Variants in ASIC4 observed in about 807,000 individuals in gnomAD.
ASIC4 encodes acid sensing ion channel subunit family member 4, also known as acid-sensing ion channel 4.
In ASIC4, 28 loss-of-function variants were observed where a neutral mutation model predicts 53.4. That is an observed-to-expected ratio of 0.52 (90% confidence interval 0.39 to 0.72). The LOEUF (loss-of-function observed/expected upper bound fraction) is 0.72. Among genes scored for constraint, ASIC4 ranks in the 30% least tolerant of loss-of-function variants. The pLI, the probability that ASIC4 is intolerant of heterozygous loss-of-function variation, is 0.00. For missense variants in ASIC4, 649 were observed against 729.7 expected, an observed-to-expected ratio of 0.89 and a Z score of 1.27; for synonymous variants, 289 against 301.4, an observed-to-expected ratio of 0.96 and a Z score of 0.43.
In ASIC4 at chr2:219,538,116, T is replaced by A; in HGVS notation, c.*70T>A. On this transcript the variant is annotated 3_prime_UTR_variant, in exon 10 of 10. Transcript: ENST00000358078. ...TGGGATCCCCAGCACATTCTCCTGC[T>A]CCTGGGAGAGGCCTGGGGGCGGTGC... 2 of 1,328,116 alleles carry A rather than the reference T, an allele frequency of 1.5e-6. No homozygotes were observed. Among genetic ancestry groups the A allele is most frequent in the Non-Finnish European group, 2.1e-6 (2 of 942,532 alleles). The allele number at this position is 1,328,116 out of a possible 1,614,324, so 82.3% of individuals were successfully genotyped here.
chr2:219,512,402 G>A (rs949273023), upstream of ASIC4, among the ~76,000 whole-genome samples: 1 of 152,106 alleles, frequency 6.6e-6, no homozygotes, highest in Non-Finnish European at 1.5e-5. Flanking sequence ...GAGTTTGGGG[G>A]GCAGTTTCCC....
At position 219,532,083 on chromosome 2, in the gene ASIC4, G is replaced by C. The variant is rs1445180620; in HGVS notation, c.810G>C (p.Gly270=). The C allele has an allele frequency of 1.9e-6, 3 of 1,614,232 alleles. No homozygotes were observed. In the South Asian group the frequency reaches 3.3e-5, roughly 18 times the overall value. Residue 270 remains glycine, a synonymous_variant, in exon 3 of 10, where the codon GGG becomes GGC. Transcript: ENST00000358078. The stretch of plus-strand genomic sequence containing the variant: ...CCTACATCCACCAGCTGGGGTTCGG[G>C]GTGTCCCCAGGCTTCCAGACCTTTG... The part of the protein sequence containing the change: ...EPPYIHQLGF[G]VSPGFQTFVS...
At position 219,536,246 on chromosome 2, in the gene ASIC4, C is replaced by T. The variant is rs1443094581; in HGVS notation, c.1230-820C>T. On this transcript the variant is annotated intron_variant, in intron 6 of 9. Transcript: ENST00000358078. The surrounding 1 kb of genome is among the most constrained non-coding windows in gnomAD (Gnocchi z 4.6). ...CAGAGTGCTTTGCTTATGCATCTTT[C>T]TTCCCTGCACGGAGGGAGAGGGACA... is the stretch of plus-strand genomic sequence containing the variant. Among the ~76,000 whole-genome samples the T allele has an allele frequency of 6.6e-6, 1 of 152,220 alleles. No homozygotes were observed. The highest frequency in any genetic ancestry group is 1.5e-5 in the Non-Finnish European group (1 of 68,044).
chr2:219,514,371 C>T (rs999936803), upstream of ASIC4: 30 of 1,545,400 alleles, frequency 1.9e-5, no homozygotes, highest in South Asian at 8.4e-5. Context: ...TGGGGCTGCG[C>T]GGCGTGGCGG....
Position 219,532,001 on chromosome 2 carries a change from A to G in ASIC4, c.728A>G (p.Asn243Ser). 1 of 1,614,186 alleles carries G rather than the reference A, an allele frequency of 6.2e-7. No individual in the cohort carries two copies. The highest frequency in any genetic ancestry group is 8.5e-7 in the Non-Finnish European group (1 of 1,180,002). ...EEYLPIWRET[N>S]ETSFEAGIRV... ...AAAGGTCCCCATCTCTGCTGTGCAG[A>G]TGAGACGTCGTTTGAGGCAGGTATT... is the stretch of plus-strand genomic sequence containing the variant. The change falls in exon 3 of 10, where the codon AAT becomes AGT. Residue 243 changes from asparagine to serine, a missense_variant and splice_region_variant. Physicochemically the swap from Asn to Ser is conservative, Grantham distance 46. Coordinates refer to ENST00000358078, the MANE Select transcript of ASIC4 (RefSeq NM_018674.6).
intron 1 of ASIC4, among the ~76,000 whole-genome samples, chr2:219,528,033 G>A (rs181904822): frequency 6.6e-6 from 1 of 152,372 alleles, no homozygotes; most frequent in Admixed American, 6.5e-5. Flanking sequence ...CATAACGTGG[G>A]TACCCCACGT....
upstream of ASIC4, among the ~76,000 whole-genome samples, chr2:219,511,858 A>G (rs1694705864): frequency 6.6e-6 from 1 of 151,958 alleles, no homozygotes; most frequent in African/African-American, 2.4e-5. This position sits in a 1 kb window ranked among gnomAD's most constrained non-coding sequence, Gnocchi z 5.3. Context: ...ATTATCACCC[A>G]ACTGCAGCCG....
At chr2:219,509,263 A>C (rs1184805377), upstream of ASIC4, among the ~76,000 whole-genome samples, 1 of 151,802 alleles carries the variant, frequency 6.6e-6, no homozygotes, top group Admixed American at 6.5e-5. The surrounding 1 kb of genome is among the most constrained non-coding windows in gnomAD (Gnocchi z 5.2). Flanking sequence ...GGGCCCCACC[A>C]CATCTGCTGC....
rs750336176 is a variant in ASIC4, at chr2:219,531,985, C to G, written c.728-16C>G. On this transcript the variant is annotated splice_polypyrimidine_tract_variant and intron_variant, in intron 2 of 9. Coordinates refer to ENST00000358078, the MANE Select transcript of ASIC4 (RefSeq NM_018674.6). ...CCTGGGATGGGTTTCCAAAGGTCCCCATCTCTGCTGTGCAGATGAGACGTC... is the reference window on the plus strand; with the variant it reads ...CCTGGGATGGGTTTCCAAAGGTCCCGATCTCTGCTGTGCAGATGAGACGTC... 2 of 1,614,126 alleles carry G rather than the reference C, an allele frequency of 1.2e-6. No individual in the cohort carries two copies. Among genetic ancestry groups the G allele is most frequent in the South Asian group, 2.2e-5 (2 of 91,084 alleles).
chr2:219,508,672 G>A, the ASIC4 span, among the ~76,000 whole-genome samples: 3 of 152,082 alleles, frequency 2.0e-5, no homozygotes, highest in South Asian at 2.1e-4. Flanking sequence ...GCCCCTGGAC[G>A]GGGTGCAGGG....
At chr2:219,535,765 TCTCCTTC>T in intron 6 of ASIC4, among the ~76,000 whole-genome samples, 1 of 148,630 alleles carries the variant, frequency 6.7e-6, no homozygotes, top group Non-Finnish European at 1.5e-5. Context: ...GCTCTATTCT[TCTCCTTC>T]TTTTTTTTTT....
rs1694826734 is a variant in ASIC4, at chr2:219,518,142, G to C, written c.582+2836G>C. Among the ~76,000 whole-genome samples the C allele has an allele frequency of 1.3e-5, 2 of 152,150 alleles. No individual in the cohort carries two copies. The highest frequency in any genetic ancestry group is 4.1e-4 in the South Asian group (2 of 4,830). ...GTGCCTACTATGTGTTGGGCTCCCT[G>C]CTCAGAGCTGTGGAGGACAGCAAAG... On this transcript the variant is annotated intron_variant, in intron 1 of 9. Transcript: ENST00000358078. The surrounding 1 kb of genome is among the most constrained non-coding windows in gnomAD (Gnocchi z 4.8).
At chr2:219,527,140 A>C (rs551990977) in intron 1 of ASIC4, among the ~76,000 whole-genome samples, 64 of 152,294 alleles carry the variant, frequency 4.2e-4, no homozygotes, top group Non-Finnish European at 8.1e-4. Context: ...TCCATGGAAG[A>C]AGCTGTGGGC....
intron 1 of ASIC4, among the ~76,000 whole-genome samples, chr2:219,523,001 G>A (rs1163138281): frequency 1.3e-5 from 2 of 152,100 alleles, no homozygotes; most frequent in Admixed American, 6.5e-5. Flanking sequence ...GGTGGGCCAG[G>A]CCTGGGCGGC....
At chr2:219,520,450 C>A (rs1694867096) in intron 1 of ASIC4, among the ~76,000 whole-genome samples, 3 of 152,202 alleles carry the variant, frequency 2.0e-5, no homozygotes, top group Non-Finnish European at 1.5e-5. Context: ...TTAGCTCCTT[C>A]TCTTCCCAGT....
At position 219,531,867 on chromosome 2, in the gene ASIC4, A is replaced by G; in HGVS notation, c.692A>G (p.Gln231Arg). The G allele has an allele frequency of 6.2e-7, 1 of 1,613,252 alleles. No homozygotes were observed. Among genetic ancestry groups the G allele is most frequent in the Non-Finnish European group, 8.5e-7 (1 of 1,179,536 alleles). Residue 231 changes from glutamine to arginine, a missense_variant, in exon 2 of 10, where the codon CAG becomes CGG. Transcript: ENST00000358078. ...GGCCTGGAGATCATGCTGGACATCCAGCAGGAGGAGTACCTGCCCATCTGG... is the reference window on the plus strand; with the variant it reads ...GGCCTGGAGATCATGCTGGACATCCGGCAGGAGGAGTACCTGCCCATCTGG... ...GSGLEIMLDI[Q>R]QEEYLPIWRE...
rs1404594254 is a variant in ASIC4, at chr2:219,516,258, A to G, written c.582+952A>G. On this transcript the variant is annotated intron_variant, in intron 1 of 9. Transcript: ENST00000358078. This position sits in a 1 kb window ranked among gnomAD's most constrained non-coding sequence, Gnocchi z 4.9. ...AGGACAGGGTCCCACTGTGGATGCC[A>G]TCCCTTCTCATGACACCCCCACCCC... 1.3e-5 allele frequency among the ~76,000 whole-genome samples: 2 copies of G among 152,056 alleles called. No individual in the cohort carries two copies. Among genetic ancestry groups the G allele is most frequent in the African/African-American group, 4.8e-5 (2 of 41,386 alleles).
chr2:219,537,318 T>TGAGGCAAGGGCCCTGGAG lies in ASIC4; in HGVS notation c.1399_1401+15dup, dbSNP rs1184298901. ...TGCTGGAGATCCTCGACTACATCTATGAGGCAAGGGCCCTGGAGAAGGCAG... is the reference window on the plus strand; with the variant it reads ...TGCTGGAGATCCTCGACTACATCTATGAGGCAAGGGCCCTGGAGGAGGCAAGGGCCCTGGAGAAGGCAG... On this transcript the variant is annotated inframe_insertion, in exon 8 of 10. Transcript: ENST00000358078. The surrounding 1 kb of genome is among the most constrained non-coding windows in gnomAD (Gnocchi z 4.9). The TGAGGCAAGGGCCCTGGAG allele has an allele frequency of 9.9e-6, 16 of 1,612,396 alleles. No homozygotes were observed. The highest frequency in any genetic ancestry group is 1.3e-5 in the Non-Finnish European group (15 of 1,179,462).
upstream of ASIC4, among the ~76,000 whole-genome samples, chr2:219,509,376 GACAGACACACTGACACCTCTGCCA>G (rs1439838400): frequency 6.6e-6 from 1 of 152,134 alleles, no homozygotes; most frequent in African/African-American, 2.4e-5. This position sits in a 1 kb window ranked among gnomAD's most constrained non-coding sequence, Gnocchi z 5.2. Flanking sequence ...AGACCCCTGA[GACAGACACACTGACACCTCTGCCA>G]ACAGACACAT....
Sources: allele counts gnomAD v4.1 joint callset (sites outside exome capture counted in the v4.1 genomes callset), GRCh38; gene constraint gnomAD v4.1.1; non-coding constraint Gnocchi (gnomAD v3.1); transcripts MANE v1.5; gene names NCBI Gene and HGNC (gene_info 2026-07-23, HGNC 2026-07-21).